The following BRWD3 variants were observed in gnomAD, a reference collection of about 807,000 sequenced individuals.
The protein encoded by BRWD3 is bromodomain and WD repeat domain containing 3.
Under a neutral mutation model 149.7 loss-of-function variants are expected in BRWD3, and 10 were observed. The ratio of observed to expected loss-of-function variants is 0.07; its 90% confidence interval spans 0.04 to 0.11. The LOEUF (loss-of-function observed/expected upper bound fraction) is 0.11. Among genes scored for constraint, BRWD3 ranks in the 10% least tolerant of loss-of-function variants. The pLI, the probability that BRWD3 is intolerant of heterozygous loss-of-function variation, is 1.00. For missense variants in BRWD3, 940 were observed against 1,373.2 expected, an observed-to-expected ratio of 0.68 and a Z score of 4.99; for synonymous variants, 504 against 456.7, an observed-to-expected ratio of 1.10 and a Z score of -1.32.
At chrX:80,725,815 GCC>G (rs2073214710) in intron 14 of BRWD3, among the ~76,000 whole-genome samples, 5 of 90,495 alleles carry the variant, frequency 5.5e-5, no homozygotes, top group Non-Finnish European at 1.1e-4. Flanking sequence ...TGTGTTACAT[GCC>G]TATATAACAT....
chrX:80,781,202 A>G (rs1360333021), intron 6 of BRWD3, among the ~76,000 whole-genome samples: 2 of 111,598 alleles, frequency 1.8e-5, no homozygotes, highest in East Asian at 5.6e-4. Flanking sequence ...GAGTGAAAAC[A>G]GAGCTCCCAT....
chrX:80,802,442 TAAAAAA>T (rs760675783), intron 4 of BRWD3, among the ~76,000 whole-genome samples: 10 of 48,883 alleles, frequency 2.0e-4, no homozygotes, highest in Admixed American at 9.0e-4. Context: ...ACTCTCATCT[TAAAAAA>T]AAAAAAAAAA....
intron 6 of BRWD3, among the ~76,000 whole-genome samples, chrX:80,788,146 A>T (rs2074135841): frequency 9.4e-6 from 1 of 106,773 alleles, no homozygotes; most frequent in African/African-American, 3.4e-5. Context: ...AGACACTGGT[A>T]ATAAAATAGG....
intron 20 of BRWD3, chrX:80,709,849 G>A (rs1342553372): frequency 2.6e-5 from 13 of 506,080 alleles, no homozygotes; most frequent in South Asian, 9.0e-5. Context: ...TCTGTACAAC[G>A]CAGAGTAATA....
intron 5 of BRWD3, among the ~76,000 whole-genome samples, chrX:80,793,213 T>C (rs1282156152): frequency 9.4e-6 from 1 of 106,017 alleles, no homozygotes; most frequent in African/African-American, 3.4e-5. Context: ...TATTTTTGCT[T>C]AAATATGTTC....
intron 27 of BRWD3, 31 bp from the exon 28 acceptor site, chrX:80,693,082 C>A (rs2072633686): frequency 6.5e-6 from 7 of 1,081,932 alleles, no homozygotes; most frequent in Non-Finnish European, 9.0e-6. Context: ...TAAAAGGATG[C>A]TCTTGAGAAT....
chrX:80,683,197 C>T (rs1308443627), intron 37 of BRWD3, among the ~76,000 whole-genome samples: 1 of 110,843 alleles, frequency 9.0e-6, no homozygotes, highest in Non-Finnish European at 1.9e-5. Flanking sequence ...ACTTAAGTAA[C>T]AAAAAATGCT....
chrX:80,732,556 A>G (rs1240700052), intron 12 of BRWD3, among the ~76,000 whole-genome samples: 1 of 110,743 alleles, frequency 9.0e-6, no homozygotes, highest in Non-Finnish European at 1.9e-5. Flanking sequence ...AAGGACAGGG[A>G]GAAGAGAATA....
intron 6 of BRWD3, among the ~76,000 whole-genome samples, chrX:80,790,677 T>C (rs1012294782): frequency 5.4e-5 from 6 of 111,931 alleles, no homozygotes; most frequent in African/African-American, 1.9e-4. Flanking sequence ...AGAAAGCCTG[T>C]AAACCTAATA....
chrX:80,775,987 A>C (rs1400844438), intron 6 of BRWD3, among the ~76,000 whole-genome samples: 3 of 112,266 alleles, frequency 2.7e-5, no homozygotes, highest in Non-Finnish European at 5.6e-5. Flanking sequence ...GCTGCCTAAC[A>C]TCACAGAGTC....
chrX:80,694,229 T>C (rs1353598098), intron 27 of BRWD3, among the ~76,000 whole-genome samples: 4 of 111,751 alleles, frequency 3.6e-5, no homozygotes, highest in South Asian at 3.8e-4. Context: ...TACAGATGCA[T>C]AGAAGTCAAG....
At chrX:80,756,519 A>AAAAT (rs1555978895) in intron 6 of BRWD3, among the ~76,000 whole-genome samples, 1 of 107,768 alleles carries the variant, frequency 9.3e-6, no homozygotes, top group Non-Finnish European at 1.9e-5. Flanking sequence ...AAAAAAAAAA[A>AAAAT]AAAAAAGAAA....
At position 80,709,531 on chromosome X, in the gene BRWD3, C is replaced by T. The variant is rs1380960013; in HGVS notation, c.2372G>A (p.Arg791His). 4 of 1,209,779 alleles carry T rather than the reference C, an allele frequency of 3.3e-6. No individual in the cohort carries two copies. The highest frequency in any genetic ancestry group is 2.3e-4 in the Middle Eastern group (1 of 4,350). The change falls in exon 21 of 41, where the codon CGC (arginine) becomes CAC (histidine). Residue 791 changes from arginine to histidine, a missense_variant. By Grantham distance (29) the Arg-to-His change is conservative. Around this residue, in one of 6 missense-constraint regions of BRWD3, gnomAD observed 103 missense variants for 103.2 expected, o/e 1.00. Transcript: ENST00000373275. ...SCGRSLRRTQRKRQHTYQTRS... is the reference protein window; with the variant it reads ...SCGRSLRRTQHKRQHTYQTRS... ...TGTTTGGTAAGTATGCTGACGTTTG[C>T]GCTGTGTCCTGCGTAAAGAACGCCC...
At chrX:80,704,946 A>T (rs1167618731) in intron 22 of BRWD3, 100 bp from the exon 23 acceptor site, 7 of 866,797 alleles carry the variant, frequency 8.1e-6, no homozygotes, top group Non-Finnish European at 1.2e-5. Context: ...ATTATAAATG[A>T]CATGGCTGGA....
Position 80,676,362 on chromosome X carries a change from T to G in BRWD3, c.*247A>C. 2.5e-6 allele frequency: 1 copy of G among 408,016 alleles called. No homozygotes were observed. The highest frequency in any genetic ancestry group is 4.3e-6 in the Non-Finnish European group (1 of 233,348). The allele number at this position is 408,016 out of a possible 1,213,427, so 33.6% of individuals were successfully genotyped here. On this transcript the variant is annotated 3_prime_UTR_variant, in exon 41 of 41. Coordinates refer to ENST00000373275, the MANE Select transcript of BRWD3 (RefSeq NM_153252.5). ...GTGTGTGTCTGTGTGTGTGTATGTG[T>G]GTGTATGTGTTTGTGTGTGTGTGGG...
chrX:80,725,392 G>T lies in BRWD3; in HGVS notation c.1387-325C>A, dbSNP rs534465265. Among the ~76,000 whole-genome samples the T allele has an allele frequency of 8.3e-4, 93 of 111,865 alleles. No homozygotes were observed. The South Asian group carries it at 0.034, about 40-fold the overall frequency. Reference sequence around the variant, plus strand: ...AAAAGGCCACAGAATATGACAAACAGAATCTTTCAATAACACCCAATTCTG... The same window carrying T: ...AAAAGGCCACAGAATATGACAAACATAATCTTTCAATAACACCCAATTCTG... On this transcript the variant is annotated intron_variant, in intron 14 of 40. Coordinates refer to ENST00000373275, the MANE Select transcript of BRWD3 (RefSeq NM_153252.5).
chrX:80,694,610 C>T (rs764958661), intron 27 of BRWD3, among the ~76,000 whole-genome samples: 27 of 111,779 alleles, frequency 2.4e-4, no homozygotes, highest in Non-Finnish European at 5.1e-4. Context: ...CTTGCATCAG[C>T]GTGACCTGGA....
chrX:80,710,371 T>A lies in BRWD3; in HGVS notation c.2326-794A>T. The stretch of plus-strand genomic sequence containing the variant: ...TTTCCAAACCTGGTCATCTGCTGAC[T>A]ATTTTGACTACAGAGCTACGTCCAC... On this transcript the variant is annotated intron_variant, in intron 20 of 40. Coordinates refer to ENST00000373275, the MANE Select transcript of BRWD3 (RefSeq NM_153252.5). The A allele has an allele frequency of 8.9e-6, 3 of 337,585 alleles. No individual in the cohort carries two copies. The South Asian group carries it at 1.0e-4, about 11-fold the overall frequency. The allele number at this position is 337,585 out of a possible 1,213,427, so 27.8% of individuals were successfully genotyped here.
chrX:80,800,425 C>T (rs1157814497), intron 4 of BRWD3, among the ~76,000 whole-genome samples: 1 of 106,030 alleles, frequency 9.4e-6, no homozygotes, highest in African/African-American at 3.5e-5. Flanking sequence ...GCCTGTAGTC[C>T]CAGCTATCAG....
Sources: allele counts gnomAD v4.1 joint callset (sites outside exome capture counted in the v4.1 genomes callset), GRCh38; gene constraint gnomAD v4.1.1; regional missense constraint gnomAD v4.1.1; transcripts MANE v1.5; gene names NCBI Gene and HGNC (gene_info 2026-07-23, HGNC 2026-07-21).